The following USP2 variants were observed in gnomAD, a reference collection of about 807,000 sequenced individuals.
USP2 encodes the protein ubiquitin carboxyl-terminal hydrolase 2.
A neutral mutation model predicts 72.0 loss-of-function variants in USP2; 33 were observed. That is an observed-to-expected ratio of 0.46 (90% CI 0.35 to 0.61). The LOEUF is 0.61. Among genes scored for constraint, USP2 ranks in the 20% least tolerant of loss-of-function variants. The pLI is 0.01. For missense variants in USP2, 691 were observed against 797.8 expected, an observed-to-expected ratio of 0.87 and a Z score of 1.61; for synonymous variants, 296 against 312.5, an observed-to-expected ratio of 0.95 and a Z score of 0.56.
At chr11:119,364,004 G>A (rs1950809990) in intron 2 of USP2, 2 of 1,219,542 alleles carry the variant, frequency 1.6e-6, no homozygotes, top group Admixed American at 8.8e-5. Flanking sequence ...ATGCTGGGGG[G>A]CGGGCGGCGG....
At position 119,373,431 on chromosome 11, in the gene USP2, T is replaced by C; in HGVS notation, c.50A>G (p.Tyr17Cys). ...TLKRYTESAR[Y>C]TDAHYAKSGY... Reference sequence around the variant, plus strand: ...CGACTTGGCATAGTGGGCATCTGTGTAGCGGGCCGATTCTGTGTAGCGCTT... The same window carrying C: ...CGACTTGGCATAGTGGGCATCTGTGCAGCGGGCCGATTCTGTGTAGCGCTT... The change falls in exon 2 of 13, where the codon TAC becomes TGC. Residue 17 changes from tyrosine to cysteine, a missense_variant. Transcript: ENST00000260187. The C allele has an allele frequency of 6.2e-7, 1 of 1,601,964 alleles. No individual in the cohort carries two copies. Among genetic ancestry groups the C allele is most frequent in the Non-Finnish European group, 8.5e-7 (1 of 1,179,316 alleles).
In USP2 at chr11:119,373,303, G is replaced by A; in HGVS notation, c.178C>T (p.Leu60Phe). ...GGGCCATAGGTACGGGGACGGGTGA[G>A]GAAGCTGCTGGTGGGGACCGGCTTG... ...GFKPVPTSSFLTRPRTYGPSS... is the reference protein window; with the variant it reads ...GFKPVPTSSFFTRPRTYGPSS... Residue 60 changes from leucine to phenylalanine, a missense_variant, in exon 2 of 13, where the codon CTC (leucine) becomes TTC (phenylalanine). Leu to Phe is a conservative substitution (Grantham distance 22). Coordinates refer to ENST00000260187, the MANE Select transcript of USP2 (RefSeq NM_004205.5). The A allele has an allele frequency of 6.2e-7, 1 of 1,613,762 alleles. No homozygotes were observed. Among genetic ancestry groups the A allele is most frequent in the Non-Finnish European group, 8.5e-7 (1 of 1,179,896 alleles).
intron 1 of USP2, chr11:119,376,186 G>A (rs576945): frequency 0.87 from 858,043 of 985,450 alleles, 373,479 homozygotes; most frequent in East Asian, 0.91. Context: ...CACCTTCCAG[G>A]TGAAAGCACA....
intron 2 of USP2, among the ~76,000 whole-genome samples, chr11:119,365,392 T>C (rs1950838232): frequency 6.6e-6 from 1 of 151,666 alleles, no homozygotes; most frequent in African/African-American, 2.4e-5. Context: ...AGCAGTGTGG[T>C]GGGAGGAGGG....
In USP2 at chr11:119,370,036, G is replaced by A. The variant is rs577775976; in HGVS notation, c.774+2671C>T. On this transcript the variant is annotated intron_variant, in intron 2 of 12. Transcript: ENST00000260187. ...ACTAAAAATACAAAATTAGCCTGGT[G>A]TGGTGGTACACGCCTGTAGTCCTAG... Among the ~76,000 whole-genome samples, 14 of 152,292 alleles carry A rather than the reference G, an allele frequency of 9.2e-5. No homozygotes were observed. The East Asian group carries it at 2.7e-3, about 29-fold the overall frequency.
chr11:119,377,534 A>T (rs1951016772), intron 1 of USP2, among the ~76,000 whole-genome samples: 1 of 152,132 alleles, frequency 6.6e-6, no homozygotes, highest in African/African-American at 2.4e-5. Context: ...AGGCCGAGAG[A>T]TGGTCCAGGA....
intron 2 of USP2, among the ~76,000 whole-genome samples, chr11:119,372,005 C>G (rs679556): frequency 0.89 from 135,966 of 152,178 alleles, 60,827 homozygotes; most frequent in East Asian, 0.95. Flanking sequence ...CGTGTGCGGG[C>G]ATTAGTTGGC....
rs151028035 is a variant in USP2 at position 119,364,722 on chromosome 11, C to CCTCCA, written c.775-4489_775-4488insTGGAG. Among the ~76,000 whole-genome samples, 358 of 152,276 alleles carry CCTCCA rather than the reference C, an allele frequency of 2.4e-3. 3 individuals carry two copies. In the East Asian group the frequency reaches 0.024, roughly 10 times the overall value. On this transcript the variant is annotated intron_variant, in intron 2 of 12. Coordinates refer to ENST00000260187, the MANE Select transcript of USP2 (RefSeq NM_004205.5). ...ATGCAGTCTGTGGAGGTCAATGTGC[C>CCTCCA]CAGGTTAAGAAGATGGACCTTCACG...
intron 1 of USP2, among the ~76,000 whole-genome samples, chr11:119,374,076 G>A (rs1950970337): frequency 6.6e-6 from 1 of 151,582 alleles, no homozygotes; most frequent in South Asian, 2.1e-4. Flanking sequence ...AGGGGAGGAA[G>A]TAATGGGGTG....
intron 2 of USP2, among the ~76,000 whole-genome samples, chr11:119,372,191 A>G (rs1212022930): frequency 6.6e-6 from 1 of 152,222 alleles, no homozygotes; most frequent in Non-Finnish European, 1.5e-5. Context: ...GGTCCTGAGT[A>G]TGCCAGTGTC....
intron 1 of USP2, among the ~76,000 whole-genome samples, chr11:119,379,585 T>G (rs1397854842): frequency 6.6e-6 from 1 of 152,294 alleles, no homozygotes; most frequent in East Asian, 1.9e-4. Context: ...CCAATATTCT[T>G]TTCTAATGGA....
chr11:119,374,487 C>G lies in USP2; in HGVS notation c.-41-966G>C, dbSNP rs537520783. On this transcript the variant is annotated intron_variant, in intron 1 of 12. Coordinates refer to ENST00000260187, the MANE Select transcript of USP2 (RefSeq NM_004205.5). ...CAGAGGATCATGAATTTTAATCTAT[C>G]TGTTATACAGATGGGAAAAGTGATG... 2.6e-5 allele frequency among the ~76,000 whole-genome samples: 4 copies of G among 152,334 alleles called. No homozygotes were observed. In the East Asian group the frequency reaches 7.7e-4, roughly 29 times the overall value.
chr11:119,378,158 A>G (rs535972126), intron 1 of USP2, among the ~76,000 whole-genome samples: 62 of 152,158 alleles, frequency 4.1e-4, no homozygotes, highest in African/African-American at 1.5e-3. Context: ...GCTGACCTTG[A>G]AGGACAAGGT....
intron 11 of USP2, 50 bp from the exon 12 acceptor site, chr11:119,357,357 C>A (rs922776455): frequency 6.6e-7 from 1 of 1,521,976 alleles, no homozygotes; most frequent in African/African-American, 1.4e-5. Context: ...GCCCCGACTT[C>A]CCCCCTCCAA....
chr11:119,364,243 C>T, intron 2 of USP2: 2 of 1,040,244 alleles, frequency 1.9e-6, no homozygotes, highest in Non-Finnish European at 2.3e-6. Context: ...CCCGCGACGT[C>T]AGCGCTGGGG....
At chr11:119,378,000 C>G (rs912776320) in intron 1 of USP2, among the ~76,000 whole-genome samples, 5 of 152,088 alleles carry the variant, frequency 3.3e-5, no homozygotes, top group African/African-American at 1.2e-4. Flanking sequence ...CAGAAGCACG[C>G]CTAAACAGGG....
chr11:119,360,298 C>G (rs1409130901), intron 2 of USP2, 64 bp from the exon 3 acceptor site: 2 of 1,568,230 alleles, frequency 1.3e-6, no homozygotes, highest in African/African-American at 2.7e-5. Flanking sequence ...GCTGGGCTCT[C>G]TCGTGCAATT....
intron 1 of USP2, among the ~76,000 whole-genome samples, chr11:119,377,493 G>C (rs1234851432): frequency 1.3e-5 from 2 of 152,196 alleles, no homozygotes; most frequent in East Asian, 3.8e-4. Context: ...AGTGAAGCCA[G>C]GTGCAACTCG....
intron 2 of USP2, chr11:119,360,514 C>T (rs556303000): frequency 8.3e-6 from 4 of 481,652 alleles, no homozygotes; most frequent in African/African-American, 5.9e-5. Flanking sequence ...ACCTCCACCT[C>T]GTGGGTTCAA....
Sources: gnomAD v4.1 joint callset for allele counts (sites outside exome capture counted in the v4.1 genomes callset) on GRCh38, gnomAD v4.1.1 for gene constraint, MANE v1.5 for transcripts, NCBI Gene and HGNC (gene_info 2026-07-23, HGNC 2026-07-21) for gene names.